The following HOGA1 variants were observed in gnomAD, a reference collection of about 807,000 sequenced individuals.
The protein encoded by HOGA1 is 4-hydroxy-2-oxoglutarate aldolase, mitochondrial.
A neutral mutation model predicts 34.3 loss-of-function variants in HOGA1; 30 were observed. That is an observed-to-expected ratio of 0.87 (90% CI 0.65 to 1.19). HOGA1 has a LOEUF of 1.19. HOGA1 is among the 50% of genes most tolerant of loss of function. The probability of loss-of-function intolerance (pLI) is 0.00; values close to 1 mark genes in which losing one functional copy is unlikely to be tolerated. For missense variants in HOGA1, 417 were observed against 436.5 expected, an observed-to-expected ratio of 0.96 and a Z score of 0.40; for synonymous variants, 161 against 174.0, an observed-to-expected ratio of 0.93 and a Z score of 0.59.
At chr10:97,590,464 C>T in intron 1 of HOGA1, 1 of 1,613,788 alleles carries the variant, frequency 6.2e-7, no homozygotes, top group Non-Finnish European at 8.5e-7. Context: ...GGGAAAACAC[C>T]ATAGCTGGTG....
chr10:97,611,764 G>C lies in HOGA1; in HGVS notation c.*105G>C. 2 of 1,378,674 alleles carry C rather than the reference G, an allele frequency of 1.5e-6. No homozygotes were observed. Among genetic ancestry groups the C allele is most frequent in the Non-Finnish European group, 2.0e-6 (2 of 1,006,930 alleles). 85.4% of individuals were successfully genotyped at this position (1,378,674 alleles called of 1,614,324 possible). On this transcript the variant is annotated 3_prime_UTR_variant, in exon 7 of 7. Coordinates refer to ENST00000370646, the MANE Select transcript of HOGA1 (RefSeq NM_138413.4). ...GGGGATGAGGGTGGCAGGCAGCGGG[G>C]AGCCGATAGAGGCTCCTTTGCCTGC... is the stretch of plus-strand genomic sequence containing the variant.
In HOGA1 at chr10:97,603,278, TA is replaced by T. The variant is rs1191238115; in HGVS notation, c.834+1289del. Among the ~76,000 whole-genome samples, 9 of 152,018 alleles carry T rather than the reference TA, an allele frequency of 5.9e-5. No homozygotes were observed. The highest frequency in any genetic ancestry group is 4.6e-4 in the Admixed American group (7 of 15,266). The stretch of plus-strand genomic sequence containing the variant: ...CTCGGCCTCCCAATCTTTTTTCTTT[TA>T]TTTTTTTTATTTTCGAAACAGGGTC... On this transcript the variant is annotated intron_variant, in intron 6 of 6. Transcript: ENST00000370646. The surrounding 1 kb of genome is among the most constrained non-coding windows in gnomAD (Gnocchi z 4.5).
intron 1 of HOGA1, chr10:97,590,374 G>A (rs775131314): frequency 5.6e-6 from 9 of 1,614,008 alleles, no homozygotes; most frequent in Non-Finnish European, 1.7e-6. Context: ...GTCACCTAGA[G>A]TCCAAGGACA....
intron 5 of HOGA1, among the ~76,000 whole-genome samples, chr10:97,601,440 G>A (rs1296465799): frequency 6.6e-6 from 1 of 152,138 alleles, no homozygotes; most frequent in East Asian, 1.9e-4. Context: ...CATCCACTGG[G>A]GGGAATAAAA....
chr10:97,592,073 T>C (rs1564756393), intron 1 of HOGA1, among the ~76,000 whole-genome samples: 1 of 151,694 alleles, frequency 6.6e-6, no homozygotes. Flanking sequence ...AGTGGTGATA[T>C]CATAGTTCAC....
intron 6 of HOGA1, among the ~76,000 whole-genome samples, chr10:97,604,182 A>G (rs1206141484): frequency 6.6e-6 from 1 of 152,214 alleles, no homozygotes; most frequent in Non-Finnish European, 1.5e-5. Flanking sequence ...ATCACATGGT[A>G]TATAACTTTT....
intron 6 of HOGA1, among the ~76,000 whole-genome samples, chr10:97,604,514 A>G (rs2041142877): frequency 6.6e-6 from 1 of 151,982 alleles, no homozygotes; most frequent in Non-Finnish European, 1.5e-5. Flanking sequence ...AGTAGAGACA[A>G]GGTCTCGCTA....
intron 1 of HOGA1, among the ~76,000 whole-genome samples, chr10:97,593,402 G>T (rs2041043957): frequency 6.6e-6 from 1 of 151,974 alleles, no homozygotes; most frequent in South Asian, 2.1e-4. Flanking sequence ...GCTTGAACCT[G>T]GGAGGTGGAG....
At chr10:97,596,994 A>G (rs77854359) in intron 1 of HOGA1, among the ~76,000 whole-genome samples, 7,287 of 152,226 alleles carry the variant, frequency 0.048, 255 homozygotes, top group Middle Eastern at 0.099. Flanking sequence ...TCTGGCTATC[A>G]GGAAACTCCA....
At chr10:97,609,775 C>T (rs1022841220) in intron 6 of HOGA1, among the ~76,000 whole-genome samples, 1 of 152,208 alleles carries the variant, frequency 6.6e-6, no homozygotes, top group Non-Finnish European at 1.5e-5. Flanking sequence ...TTATTTCCAT[C>T]CTGTATCCTG....
rs202190093 is a variant in HOGA1, at chr10:97,599,141, C to T, written c.393C>T (p.Asp131=). ...MTVSMAQVGA[D]AAMVVTPCYY... ...TCAGCATGGCCCAGGTCGGGGCTGACGCGGCCATGGTGGTGACCCCTTGCT... is the reference window on the plus strand; with the variant it reads ...TCAGCATGGCCCAGGTCGGGGCTGATGCGGCCATGGTGGTGACCCCTTGCT... The change falls in exon 3 of 7, where the codon GAC becomes GAT. Residue 131 remains aspartate (D), a synonymous_variant. Coordinates refer to ENST00000370646, the MANE Select transcript of HOGA1 (RefSeq NM_138413.4). 101 of 1,613,796 alleles carry T rather than the reference C, an allele frequency of 6.3e-5. No homozygotes were observed. The highest frequency in any genetic ancestry group is 3.3e-5 in the Admixed American group (2 of 60,022).
intron 1 of HOGA1, among the ~76,000 whole-genome samples, chr10:97,586,599 C>A (rs1028734738): frequency 6.6e-6 from 1 of 152,166 alleles, no homozygotes; most frequent in Admixed American, 6.5e-5. Flanking sequence ...TAAGTGAAGA[C>A]CTTACTTCAG....
At chr10:97,584,952 T>G in intron 1 of HOGA1, 38 bp downstream of exon 1, 1 of 1,570,004 alleles carries the variant, frequency 6.4e-7, no homozygotes, top group Non-Finnish European at 8.8e-7. Flanking sequence ...TGGGGAGATG[T>G]GAGTGGCCCT....
rs187842331 is a variant in HOGA1, at chr10:97,609,205, G to A, written c.835-2305G>A. ...GGGCCTCTGCTCTCCCACTCCCAGTGCACCTCTGAAAACGAAGGTCCCAGA... is the reference window on the plus strand; with the variant it reads ...GGGCCTCTGCTCTCCCACTCCCAGTACACCTCTGAAAACGAAGGTCCCAGA... On this transcript the variant is annotated intron_variant, in intron 6 of 6. Coordinates refer to ENST00000370646, the MANE Select transcript of HOGA1 (RefSeq NM_138413.4). Among the ~76,000 whole-genome samples, 868 of 152,262 alleles carry A rather than the reference G, an allele frequency of 5.7e-3. 25 individuals are homozygous for A. Among genetic ancestry groups the A allele is most frequent in the Middle Eastern group, 6.8e-3 (2 of 294 alleles).
chr10:97,590,105 A>G (rs911089990), intron 1 of HOGA1: 2 of 1,614,074 alleles, frequency 1.2e-6, no homozygotes, highest in Non-Finnish European at 1.7e-6. Context: ...TGAAGAGGTC[A>G]GCTCCACGGT....
intron 1 of HOGA1, chr10:97,590,106 G>C: frequency 6.2e-7 from 1 of 1,614,146 alleles, no homozygotes; most frequent in African/African-American, 1.3e-5. Flanking sequence ...GAAGAGGTCA[G>C]CTCCACGGTT....
intron 6 of HOGA1, among the ~76,000 whole-genome samples, chr10:97,605,946 C>G (rs1351892406): frequency 6.6e-6 from 1 of 151,888 alleles, no homozygotes; most frequent in East Asian, 1.9e-4. Flanking sequence ...TACAATTTAT[C>G]AACATTTTCT....
chr10:97,602,195 C>T, intron 6 of HOGA1: 6 of 1,540,858 alleles, frequency 3.9e-6, no homozygotes, highest in Non-Finnish European at 4.4e-6. Flanking sequence ...GATTGTCAAA[C>T]TTAAGTGTGC....
At chr10:97,593,008 C>T (rs1325854426) in intron 1 of HOGA1, among the ~76,000 whole-genome samples, 2 of 95,980 alleles carry the variant, frequency 2.1e-5, no homozygotes, top group East Asian at 2.5e-4. Flanking sequence ...TTAGCCTGGG[C>T]GACAGAGTGA....
Sources: allele counts gnomAD v4.1 joint callset (sites outside exome capture counted in the v4.1 genomes callset), GRCh38; gene constraint gnomAD v4.1.1; non-coding constraint Gnocchi (gnomAD v3.1); transcripts MANE v1.5; gene names NCBI Gene and HGNC (gene_info 2026-07-23, HGNC 2026-07-21).